Variants in CCDC32 observed in about 807,000 individuals in gnomAD.
CCDC32 encodes coiled-coil domain containing 32.
In CCDC32, 9 loss-of-function variants were observed where a neutral mutation model predicts 20.1. The observed-to-expected ratio is 0.45, with a 90% CI of 0.27 to 0.78. The LOEUF is 0.78. Among genes scored for constraint, CCDC32 ranks in the 30% least tolerant of loss-of-function variants. CCDC32 has a pLI of 0.16. For missense variants in CCDC32, 204 were observed against 215.5 expected (o/e 0.95, Z 0.33); for synonymous variants, 63 against 79.0 (o/e 0.80, Z 1.07).
chr15:40,528,793 A>G (rs896441167), intron 3 of CCDC32: 54 of 698,786 alleles, frequency 7.7e-5, no homozygotes, highest in African/African-American at 1.9e-4. Context: ...TCAAAAAACT[A>G]TTAAAAAAAA....
intron 3 of CCDC32, chr15:40,539,359 T>TG (rs1889274930): frequency 6.5e-7 from 1 of 1,534,800 alleles, no homozygotes; most frequent in Non-Finnish European, 8.7e-7. Context: ...ACAGGGCCTA[T>TG]GGGAATAAGA....
At chr15:40,524,449 G>T (rs1457718189), downstream of CCDC32, among the ~76,000 whole-genome samples, 1 of 151,778 alleles carries the variant, frequency 6.6e-6, no homozygotes, top group South Asian at 2.1e-4. Flanking sequence ...GAGCCACCGC[G>T]CCCAGCCACA....
At chr15:40,534,991 T>C, downstream of CCDC32, 1 of 703,350 alleles carries the variant, frequency 1.4e-6, no homozygotes, top group Non-Finnish European at 2.6e-6. Flanking sequence ...TTTAGTGACT[T>C]GATCTTCCCG....
chr15:40,534,973 G>A (rs1595883521), downstream of CCDC32: 1 of 702,636 alleles, frequency 1.4e-6, no homozygotes, highest in East Asian at 2.7e-5. Context: ...TATCTGTGTG[G>A]TCTTGGGTTT....
chr15:40,526,110 G>T (rs1894897722), downstream of CCDC32, among the ~76,000 whole-genome samples: 1 of 152,126 alleles, frequency 6.6e-6, no homozygotes, highest in Non-Finnish European at 1.5e-5. Flanking sequence ...CTCACACAAT[G>T]TGGGCTGTGT....
intron 3 of CCDC32, among the ~76,000 whole-genome samples, chr15:40,545,472 C>CCTTTA (rs10689372): frequency 0.87 from 131,835 of 151,766 alleles, 57,831 homozygotes; most frequent in Non-Finnish European, 0.93. Context: ...GAAAAGAAAA[C>CCTTTA]CTTTAGAGCA....
At chr15:40,532,366 T>A, downstream of CCDC32, 1 of 699,462 alleles carries the variant, frequency 1.4e-6, no homozygotes, top group Admixed American at 2.0e-5. Flanking sequence ...TGAAGATAAA[T>A]GTTTCCAGAT....
At chr15:40,532,013 G>C (rs1437157138), downstream of CCDC32, 1 of 319,446 alleles carries the variant, frequency 3.1e-6, no homozygotes, top group Non-Finnish European at 5.7e-6. Flanking sequence ...CTGTCTTCTG[G>C]AGGTTCCGGT....
At chr15:40,530,476 TCTCTCTCTCTCC>T (rs2141596000), downstream of CCDC32, among the ~76,000 whole-genome samples, 3 of 148,688 alleles carry the variant, frequency 2.0e-5, 1 homozygote, top group South Asian at 6.7e-4. Flanking sequence ...TCTCTCTTTT[TCTCTCTCTCTCC>T]CTCTCTCTCT....
intron 3 of CCDC32, chr15:40,528,807 A>T: frequency 1.4e-6 from 1 of 697,596 alleles, no homozygotes; most frequent in South Asian, 1.5e-5. Context: ...AAAAAAAGAG[A>T]AGAAAAGAAA....
chr15:40,535,429 G>T, downstream of CCDC32: 4 of 998,390 alleles, frequency 4.0e-6, no homozygotes, highest in Non-Finnish European at 4.8e-6. Flanking sequence ...GTGCTTTCAT[G>T]AGCATTCTCT....
Position 40,553,769 on chromosome 15 carries a change from C to G in CCDC32, c.*202G>C, listed in dbSNP as rs1213833493. ...ATCCGAGACAGTCACACATGCCAGC[C>G]CCAGGTAAGTCCCTGGGGGCTTGCA... On this transcript the variant is annotated 3_prime_UTR_variant, in exon 4 of 4. Transcript: ENST00000416810. The G allele has an allele frequency of 7.3e-7, 1 of 1,375,020 alleles. No homozygotes were observed. The highest frequency in any genetic ancestry group is 9.4e-7 in the Non-Finnish European group (1 of 1,065,348). 85.2% of individuals were successfully genotyped at this position (1,375,020 alleles called of 1,614,324 possible). A position where few individuals can be genotyped will look rare whatever the true frequency, so the allele number is the denominator to read the frequency against.
At chr15:40,552,256 C>T (rs1889914387), downstream of CCDC32, among the ~76,000 whole-genome samples, 2 of 151,690 alleles carry the variant, frequency 1.3e-5, no homozygotes, top group Admixed American at 1.3e-4. Flanking sequence ...CTGAGGCGGG[C>T]AGATCACCTG....
intron 3 of CCDC32, chr15:40,539,464 T>C: frequency 2.2e-6 from 2 of 924,880 alleles, no homozygotes; most frequent in Non-Finnish European, 3.3e-6. Context: ...GCACCGAGAG[T>C]GCGAAGGTGC....
chr15:40,553,538 G>C lies in CCDC32; in HGVS notation c.*433C>G, dbSNP rs1890012481. 6 of 989,420 alleles carry C rather than the reference G, an allele frequency of 6.1e-6. No homozygotes were observed. Among genetic ancestry groups the C allele is most frequent in the Non-Finnish European group, 7.2e-6 (6 of 832,576 alleles). The allele number at this position is 989,420 out of a possible 1,614,324, so 61.3% of individuals were successfully genotyped here. The stretch of plus-strand genomic sequence containing the variant: ...TGACAATTCACCAAGGGAATGCTTG[G>C]GACACAAGCATGAATGTCCGGAAGA... On this transcript the variant is annotated 3_prime_UTR_variant, in exon 4 of 4. Transcript: ENST00000416810.
intron 3 of CCDC32, among the ~76,000 whole-genome samples, chr15:40,543,465 G>T (rs1172291801): frequency 6.6e-6 from 1 of 151,858 alleles, no homozygotes; most frequent in African/African-American, 2.4e-5. Flanking sequence ...TGTTGTTGTT[G>T]TTTTTTTGAG....
chr15:40,539,393 TAGAC>T (rs1251389823), intron 3 of CCDC32: 9 of 1,497,558 alleles, frequency 6.0e-6, no homozygotes, highest in Admixed American at 2.0e-5. Context: ...ACGAGGAAGA[TAGAC>T]AGATACAGTC....
intron 1 of CCDC32, 193 bp downstream of exon 1, chr15:40,564,783 C>G (rs1890907926): frequency 6.2e-7 from 1 of 1,614,188 alleles, no homozygotes; most frequent in Non-Finnish European, 8.5e-7. Flanking sequence ...CCCCGCATGG[C>G]CCCTTACCCC....
At chr15:40,530,856 C>A (rs375961867), downstream of CCDC32, among the ~76,000 whole-genome samples, 7 of 151,082 alleles carry the variant, frequency 4.6e-5, no homozygotes, top group East Asian at 7.8e-4. Flanking sequence ...GGATTATAGG[C>A]GTGCGCCACC....
Sources: gnomAD v4.1 joint callset for allele counts (sites outside exome capture counted in the v4.1 genomes callset) on GRCh38, gnomAD v4.1.1 for gene constraint, MANE v1.5 for transcripts, NCBI Gene and HGNC (gene_info 2026-07-23, HGNC 2026-07-21) for gene names.